ABCB5: variants seen among roughly 807,000 people sequenced by gnomAD.
ABCB5 encodes the protein ATP binding cassette subfamily B member 5.
ABCB5 carries 155 observed loss-of-function variants against 144.2 expected under a neutral mutation model. The ratio of observed to expected loss-of-function variants is 1.08; its 90% CI spans 0.94 to 1.23. The LOEUF (loss-of-function observed/expected upper bound fraction) is 1.23. Among genes scored for constraint, ABCB5 ranks in the 50% most tolerant of loss-of-function variants. ABCB5 has a pLI of 0.00. For synonymous variants in ABCB5, 610 were observed against 528.6 expected, an observed-to-expected ratio of 1.15 and a Z score of -2.11; for missense variants, 1,830 against 1,520.8, an observed-to-expected ratio of 1.20 and a Z score of -3.38.
intron 9 of ABCB5, 63 bp downstream of exon 9, chr7:20,646,201 A>G: frequency 6.7e-7 from 1 of 1,482,764 alleles, no homozygotes; most frequent in Non-Finnish European, 9.1e-7. Context: ...AGTTTAGCCA[A>G]AATTCCTCTT....
At chr7:20,735,818 A>T (rs1274964144) in intron 23 of ABCB5, among the ~76,000 whole-genome samples, 1 of 151,980 alleles carries the variant, frequency 6.6e-6, no homozygotes, top group Non-Finnish European at 1.5e-5. Context: ...CTACAATCTC[A>T]TGTCTTCTGG....
intron 14 of ABCB5, among the ~76,000 whole-genome samples, chr7:20,678,780 C>G (rs1459116895): frequency 1.3e-5 from 2 of 152,170 alleles, no homozygotes; most frequent in African/African-American, 4.8e-5. Context: ...CAGTGACAGA[C>G]AAGCTGACCA....
At chr7:20,648,204 T>C (rs1428826057) in intron 11 of ABCB5, 126 bp downstream of exon 11, 2 of 628,236 alleles carry the variant, frequency 3.2e-6, no homozygotes, top group Non-Finnish European at 5.6e-6. Context: ...GCTTAGAGAC[T>C]TGAGGAGGTA....
intron 25 of ABCB5, 64 bp from the exon 26 acceptor site, chr7:20,745,168 G>A: frequency 6.8e-7 from 1 of 1,459,978 alleles, no homozygotes; most frequent in Non-Finnish European, 9.6e-7. Flanking sequence ...TTTGAATACA[G>A]TGAACTGTAA....
At chr7:20,687,414 CA>C (rs1163876768) in intron 16 of ABCB5, among the ~76,000 whole-genome samples, 1 of 152,120 alleles carries the variant, frequency 6.6e-6, no homozygotes, top group African/African-American at 2.4e-5. Context: ...TGAGAAAAAA[CA>C]ATAAAATGTA....
chr7:20,711,782 T>C lies in ABCB5; in HGVS notation c.2421+6975T>C, dbSNP rs13309877. ...CCTGCCTGCCTTTCCTTCTTTCTCT[T>C]TCTTTCTTTCTTTCTTTCTTTCTTT... On this transcript the variant is annotated intron_variant, in intron 20 of 27. Transcript: ENST00000404938. 2.0e-3 allele frequency among the ~76,000 whole-genome samples: 147 copies of C among 72,238 alleles called. 19 individuals are homozygous for C. Among genetic ancestry groups the C allele is most frequent in the African/African-American group, 7.0e-3 (113 of 16,104 alleles). 47.4% of individuals were successfully genotyped at this position (72,238 alleles called of 152,430 possible). A position where few individuals can be genotyped will look rare whatever the true frequency, so the allele number is the denominator to read the frequency against.
intron 5 of ABCB5, among the ~76,000 whole-genome samples, chr7:20,640,062 T>C (rs1307459115): frequency 6.6e-6 from 1 of 152,190 alleles, no homozygotes; most frequent in Non-Finnish European, 1.5e-5. Flanking sequence ...GTATTCATCT[T>C]ACATTTATTT....
At chr7:20,722,418 T>A (rs929079534) in intron 20 of ABCB5, among the ~76,000 whole-genome samples, 2 of 152,226 alleles carry the variant, frequency 1.3e-5, no homozygotes, top group African/African-American at 4.8e-5. Flanking sequence ...CATAAAAGTC[T>A]CCCTTTAAGG....
rs368709714 is a variant in ABCB5 at position 20,681,086 on chromosome 7, T to C, written c.1708-419T>C. Among the ~76,000 whole-genome samples, 42 of 14,218 alleles carry C rather than the reference T, an allele frequency of 3.0e-3. 2 individuals are homozygous for C. Among genetic ancestry groups the C allele is most frequent in the African/African-American group, 0.012 (41 of 3,424 alleles). 9.3% of individuals were successfully genotyped at this position (14,218 alleles called of 152,430 possible). A position where few individuals can be genotyped will look rare whatever the true frequency, so the allele number is the denominator to read the frequency against. ...TTTCTTTCTTTCTTTCTTTCTTTCT[T>C]TCTTTCTTTCTTTCTTTCTTTCTTT... On this transcript the variant is annotated intron_variant, in intron 14 of 27. Transcript: ENST00000404938.
chr7:20,647,884 A>G, intron 10 of ABCB5, 84 bp from the exon 11 acceptor site: 3 of 1,112,404 alleles, frequency 2.7e-6, no homozygotes, highest in Non-Finnish European at 3.9e-6. Context: ...CATGGAAGAA[A>G]ACCATCCTTA....
At chr7:20,748,025 A>G (rs889991407) in intron 26 of ABCB5, among the ~76,000 whole-genome samples, 1 of 152,220 alleles carries the variant, frequency 6.6e-6, no homozygotes, top group African/African-American at 2.4e-5. Context: ...TACAGCAAGG[A>G]TGCTGTAACT....
chr7:20,667,352 A>G (rs536444406), intron 14 of ABCB5: 110 of 985,140 alleles, frequency 1.1e-4, no homozygotes, highest in Non-Finnish European at 1.3e-4. Flanking sequence ...CCTGTGAAGA[A>G]AAGAAGGTCT....
chr7:20,706,157 G>A (rs1454828902), intron 20 of ABCB5, among the ~76,000 whole-genome samples: 1 of 152,030 alleles, frequency 6.6e-6, no homozygotes, highest in Non-Finnish European at 1.5e-5. Context: ...ATTAACCTCC[G>A]TAGCACAATA....
At chr7:20,629,372 A>G (rs1295275906) in intron 4 of ABCB5, among the ~76,000 whole-genome samples, 4 of 152,168 alleles carry the variant, frequency 2.6e-5, no homozygotes, top group Non-Finnish European at 5.9e-5. Flanking sequence ...CTCTCTAAGA[A>G]TTCAAATAAC....
chr7:20,662,579 T>C (rs1785037345), intron 14 of ABCB5, among the ~76,000 whole-genome samples: 1 of 151,416 alleles, frequency 6.6e-6, no homozygotes, highest in Non-Finnish European at 1.5e-5. Flanking sequence ...AGCAACACTG[T>C]AATAGTTGGG....
At chr7:20,695,925 T>G (rs1424174518) in intron 16 of ABCB5, among the ~76,000 whole-genome samples, 1 of 151,980 alleles carries the variant, frequency 6.6e-6, no homozygotes, top group Non-Finnish European at 1.5e-5. Context: ...TACCAAATAT[T>G]GGTGATGGTG....
intron 20 of ABCB5, among the ~76,000 whole-genome samples, chr7:20,706,776 T>C (rs998039328): frequency 1.3e-5 from 2 of 152,202 alleles, no homozygotes; most frequent in African/African-American, 4.8e-5. Flanking sequence ...AGTAGTGGGA[T>C]AGTACCTGTG....
At chr7:20,662,328 C>T (rs1040672420) in intron 14 of ABCB5, among the ~76,000 whole-genome samples, 2 of 152,160 alleles carry the variant, frequency 1.3e-5, no homozygotes, top group Non-Finnish European at 2.9e-5. Flanking sequence ...TGGTCTTCCT[C>T]GGAGACCTCT....
intron 25 of ABCB5, among the ~76,000 whole-genome samples, chr7:20,744,944 C>T (rs1455764951): frequency 6.6e-6 from 1 of 152,114 alleles, no homozygotes; most frequent in Non-Finnish European, 1.5e-5. Flanking sequence ...TGGCTGTGTG[C>T]AAGATGACAC....
Sources: allele counts gnomAD v4.1 joint callset (sites outside exome capture counted in the v4.1 genomes callset), GRCh38; gene constraint gnomAD v4.1.1; transcripts MANE v1.5; gene names NCBI Gene and HGNC (gene_info 2026-07-23, HGNC 2026-07-21).